The following CSMD1 variants were observed in gnomAD, a reference collection of about 807,000 sequenced individuals.
CSMD1 encodes CUB and Sushi multiple domains 1.
CSMD1 carries 213 observed loss-of-function variants against 417.5 expected under a neutral mutation model. The observed-to-expected ratio is 0.51, with a 90% confidence interval of 0.46 to 0.57. The LOEUF is 0.57. CSMD1 is among the 20% of genes least tolerant of loss of function. CSMD1 has a pLI of 0.00. For missense variants in CSMD1, 6,923 were observed against 4,529.7 expected (o/e 1.53, Z -15.17); for synonymous variants, 2,862 against 1,736.8 (o/e 1.65, Z -16.11).
At chr8:4,001,056 G>GT (rs1491293283) in intron 4 of CSMD1, among the ~76,000 whole-genome samples, 1 of 78,608 alleles carries the variant, frequency 1.3e-5, no homozygotes, top group Non-Finnish European at 2.8e-5. Flanking sequence ...AATAAAAAAA[G>GT]GAAAAAAAAA....
chr8:3,938,242 T>C (rs888860148), intron 5 of CSMD1, among the ~76,000 whole-genome samples: 1 of 152,052 alleles, frequency 6.6e-6, no homozygotes, highest in Non-Finnish European at 1.5e-5. Flanking sequence ...GTAAAATGCT[T>C]TACTGTTTAA....
intron 10 of CSMD1, among the ~76,000 whole-genome samples, chr8:3,561,848 T>C (rs181500635): frequency 9.2e-5 from 14 of 152,290 alleles, no homozygotes; most frequent in African/African-American, 3.4e-4. Flanking sequence ...AGGAGAAATG[T>C]ATGGCCCTCC....
intron 2 of CSMD1, among the ~76,000 whole-genome samples, chr8:4,579,718 T>TTTTACATGGTGAATTTCCATGTAAA (rs1335258265): frequency 2.6e-5 from 4 of 152,178 alleles, no homozygotes; most frequent in South Asian, 2.1e-4. Flanking sequence ...ACTCCATGTT[T>TTTTACATGGTGAATTTCCATGTAAA]TTTACATGGT....
intron 1 of CSMD1, among the ~76,000 whole-genome samples, chr8:4,727,734 CTT>C (rs1809550950): frequency 6.6e-6 from 1 of 151,862 alleles, no homozygotes; most frequent in Non-Finnish European, 1.5e-5. Flanking sequence ...CCTCTTTCCT[CTT>C]TTTCTTCTCT....
intron 5 of CSMD1, among the ~76,000 whole-genome samples, chr8:3,779,663 A>G (rs1799072510): frequency 1.3e-5 from 2 of 152,212 alleles, no homozygotes; most frequent in Non-Finnish European, 2.9e-5. Context: ...ATGCAATGAT[A>G]TGACATTTAA....
intron 4 of CSMD1, among the ~76,000 whole-genome samples, chr8:4,021,410 G>A (rs762869831): frequency 2.6e-5 from 4 of 152,184 alleles, no homozygotes; most frequent in Non-Finnish European, 5.9e-5. Context: ...TATGGATTGT[G>A]TTATATGTTG....
intron 3 of CSMD1, among the ~76,000 whole-genome samples, chr8:4,207,640 G>A (rs553653759): frequency 2.0e-5 from 3 of 152,018 alleles, no homozygotes; most frequent in African/African-American, 4.8e-5. Context: ...TGAAGAGGGG[G>A]TTGTTTATGT....
At chr8:4,934,579 G>C (rs931092395) in intron 1 of CSMD1, among the ~76,000 whole-genome samples, 16 of 152,070 alleles carry the variant, frequency 1.1e-4, no homozygotes, top group Non-Finnish European at 1.8e-4. Context: ...GACAAAGAAA[G>C]GACACAGGCC....
intron 10 of CSMD1, among the ~76,000 whole-genome samples, chr8:3,544,269 G>C (rs551686619): frequency 8.5e-5 from 13 of 152,256 alleles, no homozygotes; most frequent in South Asian, 4.1e-4. Context: ...CTTGAAAAAA[G>C]AGCGTTCTTA....
At chr8:4,452,806 T>C (rs1025738428) in intron 2 of CSMD1, among the ~76,000 whole-genome samples, 6 of 149,632 alleles carry the variant, frequency 4.0e-5, no homozygotes. Context: ...ATAACAAAAA[T>C]CCCCCAGTCC....
At chr8:3,983,823 C>T (rs1466808474) in intron 5 of CSMD1, among the ~76,000 whole-genome samples, 1 of 152,112 alleles carries the variant, frequency 6.6e-6, no homozygotes, top group Non-Finnish European at 1.5e-5. Context: ...AGCTCCAGAG[C>T]ACCTGGCAGA....
At chr8:4,416,851 G>T (rs1263874597) in intron 3 of CSMD1, among the ~76,000 whole-genome samples, 1 of 151,962 alleles carries the variant, frequency 6.6e-6, no homozygotes, top group Non-Finnish European at 1.5e-5. Context: ...GATAAAAGAA[G>T]AAACATTACA....
intron 23 of CSMD1, among the ~76,000 whole-genome samples, chr8:3,313,746 T>C (rs1301181345): frequency 1.3e-5 from 2 of 152,168 alleles, no homozygotes; most frequent in Non-Finnish European, 2.9e-5. Context: ...GAAATACCAT[T>C]TGACCCAGCC....
chr8:3,445,134 C>T (rs555325583), intron 12 of CSMD1, among the ~76,000 whole-genome samples: 2 of 152,184 alleles, frequency 1.3e-5, no homozygotes. Context: ...AACTAATATA[C>T]TTACAACCTA....
chr8:4,616,586 C>A (rs919394441), intron 2 of CSMD1, among the ~76,000 whole-genome samples: 1 of 152,164 alleles, frequency 6.6e-6, no homozygotes, highest in Non-Finnish European at 1.5e-5. Context: ...TGGTTAAATA[C>A]AAAACACTAT....
At chr8:4,230,891 C>A (rs1421894074) in intron 3 of CSMD1, among the ~76,000 whole-genome samples, 1 of 152,042 alleles carries the variant, frequency 6.6e-6, no homozygotes, top group Admixed American at 6.6e-5. Context: ...TGAGTCACCA[C>A]CAAATTCAAT....
At chr8:3,891,395 C>G (rs78540115) in intron 5 of CSMD1, among the ~76,000 whole-genome samples, 2,440 of 152,078 alleles carry the variant, frequency 0.016, 63 homozygotes, top group African/African-American at 0.055. Context: ...AAAATCCATC[C>G]GAGGCCAGGT....
intron 17 of CSMD1, among the ~76,000 whole-genome samples, chr8:3,388,779 C>G (rs1811163037): frequency 6.6e-6 from 1 of 152,160 alleles, no homozygotes; most frequent in South Asian, 2.1e-4. Context: ...AGCCTCCTTC[C>G]AACTCTGGAG....
At chr8:3,582,641 G>T (rs891847079) in intron 9 of CSMD1, among the ~76,000 whole-genome samples, 3 of 152,158 alleles carry the variant, frequency 2.0e-5, no homozygotes, top group African/African-American at 7.2e-5. Context: ...GCTGGTCTGA[G>T]ATGAGCTATG....
Sources: allele counts gnomAD v4.1 joint callset (sites outside exome capture counted in the v4.1 genomes callset), GRCh38; gene constraint gnomAD v4.1.1; transcripts MANE v1.5; gene names NCBI Gene and HGNC (gene_info 2026-07-23, HGNC 2026-07-21).